FAM184B: variants seen among roughly 807,000 people sequenced by gnomAD.
The protein encoded by FAM184B is protein FAM184B.
A neutral mutation model predicts 135.9 loss-of-function variants in FAM184B; 111 were observed. That is an observed-to-expected ratio of 0.82 (90% CI 0.70 to 0.96). FAM184B has a LOEUF of 0.96. Ranked by LOEUF, FAM184B falls within the 40% of genes least tolerant of loss-of-function variation. FAM184B has a pLI of 0.00. For missense variants in FAM184B, 1,375 were observed against 1,323.9 expected, an observed-to-expected ratio of 1.04 and a Z score of -0.60; for synonymous variants, 552 against 524.8, an observed-to-expected ratio of 1.05 and a Z score of -0.71.
At chr4:17,780,787 C>T (rs1719017989) in intron 1 of FAM184B, among the ~76,000 whole-genome samples, 2 of 152,084 alleles carry the variant, frequency 1.3e-5, no homozygotes, top group Non-Finnish European at 2.9e-5. Flanking sequence ...TAAATAGAGC[C>T]CACATGACCT....
At chr4:17,639,720 G>A (rs1461709113) in intron 13 of FAM184B, among the ~76,000 whole-genome samples, 1 of 152,094 alleles carries the variant, frequency 6.6e-6, no homozygotes, top group Non-Finnish European at 1.5e-5. Flanking sequence ...GGACAGGCGG[G>A]GAGGCAAGAG....
Position 17,632,509 on chromosome 4 carries a change from T to C in FAM184B, c.*23A>G. On this transcript the variant is annotated 3_prime_UTR_variant, in exon 18 of 18. Transcript: ENST00000265018. ...AAATAAATGTTTTTCAAGTATCCTC[T>C]GTGATGTATCCCAAAGGTTAGCTTA... 1 of 1,513,946 alleles carries C rather than the reference T, an allele frequency of 6.6e-7. No individual in the cohort carries two copies. The highest frequency in any genetic ancestry group is 1.2e-5 in the South Asian group (1 of 82,696). The allele number at this position is 1,513,946 out of a possible 1,614,324, so 93.8% of individuals were successfully genotyped here. A position where few individuals can be genotyped will look rare whatever the true frequency, so the allele number is the denominator to read the frequency against.
In FAM184B at chr4:17,647,752, C is replaced by G. The variant is rs1293874133; in HGVS notation, c.2231G>C (p.Cys744Ser). The G allele has an allele frequency of 1.7e-5, 26 of 1,550,782 alleles. No homozygotes were observed. Among genetic ancestry groups the G allele is most frequent in the Non-Finnish European group, 2.3e-5 (26 of 1,147,002 alleles). Residue 744 changes from cysteine (C) to serine (S), a missense_variant, in exon 12 of 18, where the codon TGT becomes TCT. Coordinates refer to ENST00000265018, the MANE Select transcript of FAM184B (RefSeq NM_015688.2). The part of the protein sequence containing the change: ...RQELSEQQAA[C>S]SGHQKDLEAL... Reference sequence around the variant, plus strand: ...CTCCAAGTCCTTCTGGTGCCCAGAACAGGCAGCTTGCTGCTCCGACAGCTC... The same window carrying G: ...CTCCAAGTCCTTCTGGTGCCCAGAAGAGGCAGCTTGCTGCTCCGACAGCTC...
At chr4:17,696,906 G>A (rs187642256) in intron 5 of FAM184B, among the ~76,000 whole-genome samples, 2 of 152,250 alleles carry the variant, frequency 1.3e-5, no homozygotes, top group East Asian at 1.9e-4. Context: ...TGTGGGATGA[G>A]GTAGAAGAGA....
At chr4:17,664,087 C>T (rs965260074) in intron 8 of FAM184B, among the ~76,000 whole-genome samples, 4 of 152,074 alleles carry the variant, frequency 2.6e-5, no homozygotes, top group African/African-American at 4.8e-5. Flanking sequence ...CTAATATACC[C>T]GCAGAGCCTG....
intron 1 of FAM184B, among the ~76,000 whole-genome samples, chr4:17,721,382 T>TTAAAAAAAAAAAAAAAAAA (rs1717522850): frequency 2.8e-4 from 1 of 3,628 alleles, no homozygotes; most frequent in Non-Finnish European, 1.2e-3. Flanking sequence ...AGATTCTGTC[T>TTAAAAAAAAAAAAAAAAAA]CAAAAAAAAA....
chr4:17,662,930 A>C (rs1437766120), intron 8 of FAM184B, among the ~76,000 whole-genome samples: 2 of 152,046 alleles, frequency 1.3e-5, no homozygotes, highest in East Asian at 3.9e-4. Context: ...TGAGCCACTC[A>C]CATATTTTTG....
chr4:17,662,530 G>T (rs1715942708), intron 8 of FAM184B, among the ~76,000 whole-genome samples: 1 of 152,088 alleles, frequency 6.6e-6, no homozygotes, highest in Non-Finnish European at 1.5e-5. Flanking sequence ...TAGCGATGAA[G>T]TTTCACCATG....
At chr4:17,734,386 G>A (rs1349423657) in intron 1 of FAM184B, among the ~76,000 whole-genome samples, 1 of 152,054 alleles carries the variant, frequency 6.6e-6, no homozygotes, top group South Asian at 2.1e-4. Context: ...CCATCAGAGT[G>A]AACAGGCAAC....
chr4:17,751,902 G>A (rs537388775), intron 1 of FAM184B, among the ~76,000 whole-genome samples: 83 of 147,158 alleles, frequency 5.6e-4, no homozygotes, highest in Middle Eastern at 3.5e-3. Context: ...ACAGGTAGAG[G>A]TGTGGCGGGA....
Position 17,680,457 on chromosome 4 carries a change from T to C in FAM184B, c.1596+7967A>G, listed in dbSNP as rs535579705. On this transcript the variant is annotated intron_variant, in intron 7 of 17. Coordinates refer to ENST00000265018, the MANE Select transcript of FAM184B (RefSeq NM_015688.2). ...ATTTCATGTAACCAGACACCACCTG[T>C]TCCCCAAAACCCTACTGAAATAAAC... Among the ~76,000 whole-genome samples the C allele has an allele frequency of 3.9e-5, 6 of 152,252 alleles. No homozygotes were observed. In the South Asian group the frequency reaches 1.2e-3, roughly 32 times the overall value.
chr4:17,776,676 G>A (rs1036067530), intron 1 of FAM184B, among the ~76,000 whole-genome samples: 1 of 152,194 alleles, frequency 6.6e-6, no homozygotes, highest in Non-Finnish European at 1.5e-5. Flanking sequence ...ACAGGCGTGA[G>A]CCACTGTGCC....
intron 11 of FAM184B, among the ~76,000 whole-genome samples, chr4:17,652,195 G>T (rs986319203): frequency 2.9e-5 from 4 of 139,436 alleles, no homozygotes; most frequent in Non-Finnish European, 6.0e-5. Context: ...CGCCATCTCG[G>T]CTCAGTACAA....
chr4:17,711,957 T>C (rs950363269), intron 1 of FAM184B, among the ~76,000 whole-genome samples: 1 of 152,134 alleles, frequency 6.6e-6, no homozygotes, highest in Non-Finnish European at 1.5e-5. Context: ...AAGTGTGAGG[T>C]GTGAGAAGTT....
At chr4:17,652,146 T>TTTTTTTTAG (rs762642185) in intron 11 of FAM184B, among the ~76,000 whole-genome samples, 18 of 131,934 alleles carry the variant, frequency 1.4e-4, no homozygotes, top group South Asian at 2.4e-4. Flanking sequence ...TTTTTTTTTT[T>TTTTTTTTAG]TTGAGTCTTG....
At chr4:17,687,901 T>A (rs558221975) in intron 7 of FAM184B, among the ~76,000 whole-genome samples, 2 of 152,106 alleles carry the variant, frequency 1.3e-5, no homozygotes, top group Non-Finnish European at 2.9e-5. Context: ...TACATGGTCA[T>A]TCGTTATGGT....
chr4:17,666,918 A>G (rs1396406480), intron 7 of FAM184B, among the ~76,000 whole-genome samples: 3 of 151,612 alleles, frequency 2.0e-5, no homozygotes, highest in Admixed American at 1.3e-4. Context: ...ACTCTCTCCC[A>G]TACTTGCCCT....
intron 6 of FAM184B, among the ~76,000 whole-genome samples, chr4:17,692,870 A>T (rs1716766611): frequency 6.6e-6 from 1 of 151,948 alleles, no homozygotes; most frequent in African/African-American, 2.4e-5. Flanking sequence ...TTAAAATCAG[A>T]AAAAAGTATA....
Position 17,709,524 on chromosome 4 carries a change from C to G in FAM184B, c.262G>C (p.Glu88Gln), listed in dbSNP as rs769702478. Reference protein sequence around the residue: ...VAETKARLLQEQGCAEEEALL... With the variant: ...VAETKARLLQQQGCAEEEALL... ...GCTTCCTCCTCTGCGCAGCCCTGTT[C>G]CTGCAGGAGCCTGGCCTTGGTCTCT... The change falls in exon 2 of 18, where the codon GAA (glutamate) becomes CAA (glutamine). Residue 88 changes from glutamate to glutamine, a missense_variant. Physicochemically the swap from Glu to Gln is conservative, Grantham distance 29 (BLOSUM62 2). Coordinates refer to ENST00000265018, the MANE Select transcript of FAM184B (RefSeq NM_015688.2). 6.4e-7 allele frequency: 1 copy of G among 1,551,074 alleles called. No individual in the cohort carries two copies. The highest frequency in any genetic ancestry group is 1.4e-5 in the African/African-American group (1 of 73,194).
Sources: allele counts gnomAD v4.1 joint callset (sites outside exome capture counted in the v4.1 genomes callset), GRCh38; gene constraint gnomAD v4.1.1; transcripts MANE v1.5; gene names NCBI Gene and HGNC (gene_info 2026-07-23, HGNC 2026-07-21).